Variants in ZAP70 observed in about 807,000 individuals in gnomAD.
The protein encoded by ZAP70 is tyrosine-protein kinase ZAP-70.
In ZAP70, 27 loss-of-function variants were observed where a neutral mutation model predicts 65.8. The ratio of observed to expected loss-of-function variants is 0.41; its 90% confidence interval spans 0.30 to 0.57. ZAP70 has a LOEUF of 0.57. Ranked by LOEUF, ZAP70 falls within the 20% of genes least tolerant of loss-of-function variation. ZAP70 has a pLI of 0.28. For synonymous variants in ZAP70, 363 were observed against 360.8 expected, an observed-to-expected ratio of 1.01 and a Z score of -0.07; for missense variants, 696 against 870.5, an observed-to-expected ratio of 0.80 and a Z score of 2.52.
chr2:97,747,335 G>A, the ZAP70 span, among the ~76,000 whole-genome samples: 1 of 152,220 alleles, frequency 6.6e-6, no homozygotes, highest in African/African-American at 2.4e-5. Context: ...CAACAGATGA[G>A]TAGATAAATG....
chr2:97,725,395 T>C, intron 4 of ZAP70, 143 bp downstream of exon 4: 2 of 1,041,142 alleles, frequency 1.9e-6, no homozygotes, highest in Non-Finnish European at 1.4e-6. Flanking sequence ...GTGTTTCTGA[T>C]GTGCAAAGGG....
chr2:97,741,864 G>C (rs188960458), downstream of ZAP70, among the ~76,000 whole-genome samples: 140 of 152,366 alleles, frequency 9.2e-4, no homozygotes, highest in African/African-American at 3.2e-3. Flanking sequence ...CACAGGCTCA[G>C]GGTGATAACC....
chr2:97,734,492 C>T, intron 8 of ZAP70, 28 bp from the exon 9 acceptor site: 3 of 1,605,972 alleles, frequency 1.9e-6, no homozygotes, highest in Non-Finnish European at 2.6e-6. Flanking sequence ...TGCCCCTGAC[C>T]TGGGAGTGTA....
chr2:97,724,889 G>A (rs1677317118), intron 3 of ZAP70: 1 of 1,532,808 alleles, frequency 6.5e-7, no homozygotes, highest in African/African-American at 1.4e-5. Flanking sequence ...GGGCCGCGCT[G>A]GAAGGTGGGG....
At position 97,737,913 on chromosome 2, in the gene ZAP70, G is replaced by T; in HGVS notation, c.1623+16G>T. The T allele has an allele frequency of 6.2e-7, 1 of 1,614,112 alleles. No individual in the cohort carries two copies. On this transcript the variant is annotated intron_variant, in intron 12 of 13. Coordinates refer to ENST00000264972, the MANE Select transcript of ZAP70 (RefSeq NM_001079.4). The surrounding 1 kb of genome is among the most constrained non-coding windows in gnomAD (Gnocchi z 5.0). ...GCCCTACAAGGCAGGCGCGGGCAGA[G>T]GCAGGTGGGCGGTGTGGTGGGGAGG...
At chr2:97,735,496 C>A (rs199842141) in intron 10 of ZAP70, 40 bp downstream of exon 10, 2 of 1,585,594 alleles carry the variant, frequency 1.3e-6, no homozygotes, top group Non-Finnish European at 1.7e-6. Context: ...TGGGTGGGGC[C>A]GGGGCCCATC....
At chr2:97,727,199 C>T (rs552635426) in intron 4 of ZAP70, among the ~76,000 whole-genome samples, 8 of 152,358 alleles carry the variant, frequency 5.3e-5, no homozygotes, top group African/African-American at 1.7e-4. Context: ...GCAAGTCATA[C>T]GACCAAAACC....
At chr2:97,728,606 T>C (rs1330157501) in intron 4 of ZAP70, among the ~76,000 whole-genome samples, 1 of 152,250 alleles carries the variant, frequency 6.6e-6, no homozygotes, top group Non-Finnish European at 1.5e-5. Flanking sequence ...CAGTTCATGG[T>C]TGCCGAAGAA....
chr2:97,730,785 G>T (rs1677566151), intron 4 of ZAP70, among the ~76,000 whole-genome samples: 1 of 152,060 alleles, frequency 6.6e-6, no homozygotes, highest in African/African-American at 2.4e-5. Context: ...GACAGACTTG[G>T]TGGCTCACGC....
At chr2:97,745,352 A>C in the ZAP70 span, among the ~76,000 whole-genome samples, 1 of 152,224 alleles carries the variant, frequency 6.6e-6, no homozygotes, top group African/African-American at 2.4e-5. Context: ...AAACCTTTTA[A>C]TTTTTAAATT....
At chr2:97,747,787 T>TATTGGACC in the ZAP70 span, among the ~76,000 whole-genome samples, 4 of 150,908 alleles carry the variant, frequency 2.7e-5, no homozygotes, top group Admixed American at 2.6e-4. Flanking sequence ...GAAGAGTGTC[T>TATTGGACC]ATTGGACCTG....
Position 97,737,731 on chromosome 2 carries a change from A to T in ZAP70, c.1483-26A>T. ...GTGGGTAGAGGGTCCCTGACCCCTG[A>T]TCCAGCAGCATCTCCCCCTCCCCAG... is the stretch of plus-strand genomic sequence containing the variant. On this transcript the variant is annotated intron_variant, in intron 11 of 13. Coordinates refer to ENST00000264972, the MANE Select transcript of ZAP70 (RefSeq NM_001079.4). This position sits in a 1 kb window ranked among gnomAD's most constrained non-coding sequence, Gnocchi z 5.0. The T allele has an allele frequency of 6.2e-7, 1 of 1,614,012 alleles. No individual in the cohort carries two copies. The highest frequency in any genetic ancestry group is 8.5e-7 in the Non-Finnish European group (1 of 1,179,968).
At chr2:97,735,540 G>C in intron 10 of ZAP70, 84 bp downstream of exon 10, 3 of 1,489,340 alleles carry the variant, frequency 2.0e-6, no homozygotes, top group African/African-American at 1.4e-5. Flanking sequence ...GCGTGCATGC[G>C]TGTGTGGGAA....
intron 3 of ZAP70, 33 bp from the exon 4 acceptor site, chr2:97,725,059 C>T: frequency 6.2e-7 from 1 of 1,612,660 alleles, no homozygotes; most frequent in Non-Finnish European, 8.5e-7. Flanking sequence ...CACTTGGCCA[C>T]ACCTACAGAC....
Position 97,725,075 on chromosome 2 carries a change from C to A in ZAP70, c.403-17C>A. The A allele has an allele frequency of 1.2e-6, 2 of 1,613,516 alleles. No individual in the cohort carries two copies. The highest frequency in any genetic ancestry group is 2.2e-5 in the South Asian group (2 of 91,056). Reference sequence around the variant, plus strand: ...ACTTGGCCACACCTACAGACCTCCTCGCCTCTCCTTTTCTAGGGCGAGGCC... The same window carrying A: ...ACTTGGCCACACCTACAGACCTCCTAGCCTCTCCTTTTCTAGGGCGAGGCC... On this transcript the variant is annotated splice_polypyrimidine_tract_variant and intron_variant, in intron 3 of 13. Coordinates refer to ENST00000264972, the MANE Select transcript of ZAP70 (RefSeq NM_001079.4).
At chr2:97,723,872 G>A (rs1285049453) in intron 2 of ZAP70, 144 bp from the exon 3 acceptor site, 11 of 888,550 alleles carry the variant, frequency 1.2e-5, no homozygotes, top group Non-Finnish European at 1.7e-5. Flanking sequence ...GGTTGACTCT[G>A]GCACAGAGCA....
chr2:97,742,051 G>T (rs1678143412), downstream of ZAP70, among the ~76,000 whole-genome samples: 1 of 152,218 alleles, frequency 6.6e-6, no homozygotes, highest in African/African-American at 2.4e-5. Context: ...GGAATAGTGT[G>T]TAGTGGGAGA....
At chr2:97,749,004 CTTTTTTT>C in the ZAP70 span, among the ~76,000 whole-genome samples, 5 of 114,992 alleles carry the variant, frequency 4.3e-5, no homozygotes, top group South Asian at 2.7e-4. Flanking sequence ...TGACACTTCC[CTTTTTTT>C]TTTTTTTTTT....
Position 97,724,447 on chromosome 2 carries a change from G to A in ZAP70, c.402+9G>A. ...AGACGTGGAAGCTGGAGGTGAGAGC[G>A]CAGCCTGGGGCGCGGGGTCTGGAGG... On this transcript the variant is annotated intron_variant, in intron 3 of 13. Coordinates refer to ENST00000264972, the MANE Select transcript of ZAP70 (RefSeq NM_001079.4). 6.5e-7 allele frequency: 1 copy of A among 1,527,662 alleles called. No individual in the cohort carries two copies. 94.6% of individuals were successfully genotyped at this position (1,527,662 alleles called of 1,614,324 possible).
Sources: gnomAD v4.1 joint callset for allele counts (sites outside exome capture counted in the v4.1 genomes callset) on GRCh38, gnomAD v4.1.1 for gene constraint, Gnocchi (gnomAD v3.1) non-coding constraint, MANE v1.5 for transcripts, NCBI Gene and HGNC (gene_info 2026-07-23, HGNC 2026-07-21) for gene names.